Variants in XPR1 observed in about 807,000 individuals in gnomAD.
The protein encoded by XPR1 is solute carrier family 53 member 1.
XPR1 carries 28 observed loss-of-function variants against 87.5 expected under a neutral mutation model. The ratio of observed to expected loss-of-function variants is 0.32; its 90% CI spans 0.24 to 0.44. The LOEUF (loss-of-function observed/expected upper bound fraction) is 0.44. Among genes scored for constraint, XPR1 ranks in the 20% least tolerant of loss-of-function variants. The probability of loss-of-function intolerance (pLI) is 1.00; values close to 1 mark genes in which losing one functional copy is unlikely to be tolerated. For synonymous variants in XPR1, 300 were observed against 306.1 expected (o/e 0.98, Z 0.21); for missense variants, 559 against 862.3 (o/e 0.65, Z 4.41).
At chr1:180,866,191 G>A (rs548342074) in intron 12 of XPR1, among the ~76,000 whole-genome samples, 10 of 151,816 alleles carry the variant, frequency 6.6e-5, no homozygotes, top group South Asian at 6.3e-4. Context: ...CAGCCTGGGC[G>A]ATGGAGCAAG....
At chr1:180,679,575 T>G (rs1187065406) in intron 1 of XPR1, among the ~76,000 whole-genome samples, 1 of 152,232 alleles carries the variant, frequency 6.6e-6, no homozygotes, top group Non-Finnish European at 1.5e-5. Context: ...TCCACTGAAC[T>G]GATTTTACCA....
At chr1:180,771,784 A>AT (rs1008664131) in intron 2 of XPR1, among the ~76,000 whole-genome samples, 7 of 151,832 alleles carry the variant, frequency 4.6e-5, no homozygotes, top group Admixed American at 1.3e-4. Context: ...TTCATAGTGC[A>AT]TTTTTTTCAG....
At chr1:180,722,011 C>T (rs961969195) in intron 2 of XPR1, among the ~76,000 whole-genome samples, 5 of 152,042 alleles carry the variant, frequency 3.3e-5, no homozygotes, top group Non-Finnish European at 4.4e-5. Flanking sequence ...GCCTGTAATC[C>T]CACCACTTTG....
At position 180,678,736 on chromosome 1, in the gene XPR1, G is replaced by T. The variant is rs867963168; in HGVS notation, c.70-3624G>T. 9.2e-5 allele frequency among the ~76,000 whole-genome samples: 14 copies of T among 152,062 alleles called. 1 individual carries two copies. The highest frequency in any genetic ancestry group is 2.9e-4 in the African/African-American group (12 of 41,402). Reference sequence around the variant, plus strand: ...TTTTTTACTGTATATTATTAGGCCTGGTTAGTCATGGATCTGACAGTTTGG... The same window carrying T: ...TTTTTTACTGTATATTATTAGGCCTTGTTAGTCATGGATCTGACAGTTTGG... On this transcript the variant is annotated intron_variant, in intron 1 of 14. Transcript: ENST00000367590.
chr1:180,683,551 A>G lies in XPR1; in HGVS notation c.121+1140A>G, dbSNP rs546599139. Among the ~76,000 whole-genome samples the G allele has an allele frequency of 2.0e-5, 3 of 152,332 alleles. No homozygotes were observed. The South Asian group carries it at 6.2e-4, about 32-fold the overall frequency. The stretch of plus-strand genomic sequence containing the variant: ...CTGAGGAATCACCACACCGACTTCC[A>G]CAATGGTTGAACTAGTTTATGGTCC... On this transcript the variant is annotated intron_variant, in intron 2 of 14. Transcript: ENST00000367590.
intron 13 of XPR1, among the ~76,000 whole-genome samples, chr1:180,874,341 C>CT (rs1381592176): frequency 6.6e-6 from 1 of 151,926 alleles, no homozygotes; most frequent in Non-Finnish European, 1.5e-5. Flanking sequence ...ATTTGGCAGT[C>CT]TGAGTTATTC....
chr1:180,663,107 C>T (rs1655833546), intron 1 of XPR1, among the ~76,000 whole-genome samples: 1 of 152,222 alleles, frequency 6.6e-6, no homozygotes. Flanking sequence ...CTCATATCTC[C>T]ATTTCTCTGG....
chr1:180,814,085 G>T (rs1206318588), intron 7 of XPR1, among the ~76,000 whole-genome samples: 1 of 152,144 alleles, frequency 6.6e-6, no homozygotes, highest in Non-Finnish European at 1.5e-5. Flanking sequence ...ATGTTCGAGA[G>T]ATAATTTACT....
At position 180,852,698 on chromosome 1, in the gene XPR1, G is replaced by A. The variant is rs529443428; in HGVS notation, c.1502-11010G>A. Among the ~76,000 whole-genome samples, 445 of 151,996 alleles carry A rather than the reference G, an allele frequency of 2.9e-3. 3 individuals carry two copies. Among genetic ancestry groups the A allele is most frequent in the African/African-American group, 9.7e-3 (402 of 41,456 alleles). On this transcript the variant is annotated intron_variant, in intron 11 of 14. Coordinates refer to ENST00000367590, the MANE Select transcript of XPR1 (RefSeq NM_004736.4). ...TGAGTAGCTAGGACTACAGGTGTGC[G>A]CCACCACACTGGTTTAATTTTGTTT... is the stretch of plus-strand genomic sequence containing the variant.
At chr1:180,780,445 G>A (rs529746708) in intron 2 of XPR1, among the ~76,000 whole-genome samples, 1 of 152,220 alleles carries the variant, frequency 6.6e-6, no homozygotes, top group South Asian at 2.1e-4. Context: ...TTGGTCATTT[G>A]TGTGTCTTCT....
At chr1:180,767,835 CT>C (rs544764099) in intron 2 of XPR1, among the ~76,000 whole-genome samples, 4 of 151,924 alleles carry the variant, frequency 2.6e-5, no homozygotes, top group South Asian at 4.2e-4. Flanking sequence ...GTTTATTACT[CT>C]TATCACAAGA....
intron 4 of XPR1, among the ~76,000 whole-genome samples, chr1:180,804,703 A>G (rs1277208214): frequency 1.3e-5 from 2 of 152,174 alleles, no homozygotes; most frequent in Admixed American, 1.3e-4. Context: ...ATTTTCTTCT[A>G]TAATTCTACT....
chr1:180,702,776 A>G (rs557893665), intron 2 of XPR1, among the ~76,000 whole-genome samples: 1 of 151,630 alleles, frequency 6.6e-6, no homozygotes, highest in South Asian at 2.1e-4. Flanking sequence ...GCATTTCATA[A>G]ATTTCTCTTT....
At chr1:180,681,706 C>T (rs954424584) in intron 1 of XPR1, among the ~76,000 whole-genome samples, 28 of 152,166 alleles carry the variant, frequency 1.8e-4, no homozygotes, top group Admixed American at 1.8e-3. Context: ...CTTACTCTCT[C>T]TCCCAGGCTG....
chr1:180,758,045 A>G (rs1647824513), intron 2 of XPR1, among the ~76,000 whole-genome samples: 2 of 151,636 alleles, frequency 1.3e-5, no homozygotes, highest in South Asian at 2.1e-4. Flanking sequence ...TGGTGTTGGA[A>G]TGACCACCAT....
At chr1:180,745,633 T>C (rs1456528583) in intron 2 of XPR1, among the ~76,000 whole-genome samples, 1 of 152,168 alleles carries the variant, frequency 6.6e-6, no homozygotes, top group South Asian at 2.1e-4. Context: ...GAAATCCCTT[T>C]CCTTCTCCTC....
chr1:180,853,223 T>A (rs1258785874), intron 11 of XPR1, among the ~76,000 whole-genome samples: 1 of 152,210 alleles, frequency 6.6e-6, no homozygotes. Context: ...CCACTGCCAC[T>A]GCGCCTGGCT....
At chr1:180,788,544 A>G (rs975677081) in intron 3 of XPR1, among the ~76,000 whole-genome samples, 2 of 152,138 alleles carry the variant, frequency 1.3e-5, no homozygotes, top group Non-Finnish European at 2.9e-5. Context: ...AGGATATTTC[A>G]TCTAGACTCT....
intron 1 of XPR1, among the ~76,000 whole-genome samples, chr1:180,657,065 T>C (rs768525718): frequency 6.6e-6 from 1 of 152,152 alleles, no homozygotes; most frequent in African/African-American, 2.4e-5. Context: ...ATTGTAGTTT[T>C]GATTTGCGTT....
Sources: gnomAD v4.1 joint callset for allele counts (sites outside exome capture counted in the v4.1 genomes callset) on GRCh38, gnomAD v4.1.1 for gene constraint, MANE v1.5 for transcripts, NCBI Gene and HGNC (gene_info 2026-07-23, HGNC 2026-07-21) for gene names.